Variants in ARSG observed in about 807,000 individuals in gnomAD.
The protein encoded by ARSG is arylsulfatase G, also known as ASG.
A neutral mutation model predicts 50.5 loss-of-function variants in ARSG; 37 were observed. The ratio of observed to expected loss-of-function variants is 0.73; its 90% CI spans 0.56 to 0.96. ARSG has a LOEUF of 0.96. ARSG is among the 50% of genes least tolerant of loss of function. The pLI is 0.00. For synonymous variants in ARSG, 225 were observed against 254.6 expected, an observed-to-expected ratio of 0.88 and a Z score of 1.11; for missense variants, 629 against 675.3, an observed-to-expected ratio of 0.93 and a Z score of 0.76.
the ARSG span, among the ~76,000 whole-genome samples, chr17:68,451,308 C>T: frequency 6.6e-6 from 1 of 152,164 alleles, no homozygotes; most frequent in Non-Finnish European, 1.5e-5. Context: ...GTGGTGCACA[C>T]CTGTAATCTC....
intron 11 of ARSG, among the ~76,000 whole-genome samples, chr17:68,417,032 G>A (rs772689700): frequency 3.9e-5 from 6 of 152,124 alleles, no homozygotes; most frequent in African/African-American, 1.2e-4. Flanking sequence ...ATTTTTTGGG[G>A]AGTGTCAAAG....
intron 8 of ARSG, among the ~76,000 whole-genome samples, chr17:68,376,277 A>ATT (rs386386490): frequency 1.6e-5 from 2 of 125,028 alleles, no homozygotes; most frequent in Non-Finnish European, 3.3e-5. Context: ...CGCCCCCTGC[A>ATT]TTTTTTTTTT....
intron 2 of ARSG, among the ~76,000 whole-genome samples, chr17:68,328,958 C>T (rs758326505): frequency 6.6e-6 from 1 of 152,230 alleles, no homozygotes; most frequent in African/African-American, 2.4e-5. Flanking sequence ...ACTAGGCAGA[C>T]ATACCTCTGC....
the ARSG span, among the ~76,000 whole-genome samples, chr17:68,446,983 C>T: frequency 6.6e-6 from 1 of 152,200 alleles, no homozygotes; most frequent in African/African-American, 2.4e-5. Context: ...GGGGTGGGCA[C>T]GATGCTGCTG....
At chr17:68,409,759 G>A (rs1412269588) in intron 11 of ARSG, among the ~76,000 whole-genome samples, 1 of 151,076 alleles carries the variant, frequency 6.6e-6, no homozygotes, top group Non-Finnish European at 1.5e-5. Context: ...CATGAGCATG[G>A]AATATTCTTC....
intron 7 of ARSG, 49 bp downstream of exon 7, chr17:68,368,793 T>C (rs761092604): frequency 8.8e-6 from 14 of 1,584,632 alleles, no homozygotes; most frequent in Non-Finnish European, 1.1e-5. Flanking sequence ...ATAGACAACC[T>C]TGCACATTAC....
chr17:68,332,353 C>G (rs941937604), intron 2 of ARSG, among the ~76,000 whole-genome samples: 1 of 152,270 alleles, frequency 6.6e-6, no homozygotes, highest in Admixed American at 6.5e-5. Flanking sequence ...TCGCTGTTAC[C>G]CTGTTTTTTT....
At position 68,315,492 on chromosome 17, in the gene ARSG, A is replaced by T. The variant is rs993196880; in HGVS notation, c.218+7781A>T. ...CAGTGAGCTATGATCGTGTCACTGC[A>T]CTCCAGCCTGGGTGATGGAGTGAAA... On this transcript the variant is annotated intron_variant, in intron 2 of 11. Transcript: ENST00000621439. Among the ~76,000 whole-genome samples, 7 of 151,756 alleles carry T rather than the reference A, an allele frequency of 4.6e-5. No individual in the cohort carries two copies. The East Asian group carries it at 1.2e-3, about 25-fold the overall frequency.
At chr17:68,343,842 T>A in intron 3 of ARSG, 51 bp downstream of exon 3, 2 of 1,537,962 alleles carry the variant, frequency 1.3e-6, no homozygotes, top group Non-Finnish European at 1.8e-6. Flanking sequence ...GGCAGCCGCC[T>A]TGTGTTTGCA....
At chr17:68,284,701 A>G (rs1303619410) in intron 1 of ARSG, among the ~76,000 whole-genome samples, 2 of 152,218 alleles carry the variant, frequency 1.3e-5, no homozygotes, top group Non-Finnish European at 2.9e-5. Context: ...AGTATCATTC[A>G]TCCTACTGAT....
intron 6 of ARSG, among the ~76,000 whole-genome samples, chr17:68,361,733 A>G (rs1189930876): frequency 3.3e-5 from 5 of 152,132 alleles, no homozygotes; most frequent in African/African-American, 4.8e-5. Context: ...CCTGGCCAAC[A>G]TGGTGAAACC....
intron 2 of ARSG, among the ~76,000 whole-genome samples, chr17:68,330,387 T>C (rs1376162720): frequency 6.6e-6 from 1 of 151,864 alleles, no homozygotes; most frequent in Admixed American, 6.6e-5. Context: ...GGCCCTTGGG[T>C]TGTTTGACAT....
intron 2 of ARSG, among the ~76,000 whole-genome samples, chr17:68,338,924 G>A (rs2078146443): frequency 6.6e-6 from 1 of 152,220 alleles, no homozygotes; most frequent in African/African-American, 2.4e-5. Flanking sequence ...CCCAGTAGCT[G>A]TTGCTGCTCA....
At chr17:68,445,617 G>A in the ARSG span, among the ~76,000 whole-genome samples, 79 of 152,220 alleles carry the variant, frequency 5.2e-4, no homozygotes, top group African/African-American at 1.6e-3. Context: ...CTCTCCACAT[G>A]AAAGCTTGTC....
intron 1 of ARSG, among the ~76,000 whole-genome samples, chr17:68,283,399 T>C (rs1266665463): frequency 6.6e-6 from 1 of 151,858 alleles, no homozygotes; most frequent in Non-Finnish European, 1.5e-5. Context: ...CGGGCGCCTG[T>C]AGTCCCAGCT....
chr17:68,438,871 A>C, the ARSG span, among the ~76,000 whole-genome samples: 1 of 152,248 alleles, frequency 6.6e-6, no homozygotes, highest in Non-Finnish European at 1.5e-5. Flanking sequence ...AAGTGCTGGG[A>C]TTACAGGCGT....
intron 2 of ARSG, among the ~76,000 whole-genome samples, chr17:68,310,612 G>C (rs1555766382): frequency 6.6e-6 from 1 of 152,182 alleles, no homozygotes; most frequent in Non-Finnish European, 1.5e-5. Flanking sequence ...CTCGGATTCT[G>C]TCTGCACTGG....
intron 6 of ARSG, among the ~76,000 whole-genome samples, chr17:68,362,826 C>T: frequency 6.6e-6 from 1 of 152,040 alleles, no homozygotes; most frequent in Admixed American, 6.6e-5. Flanking sequence ...TTTTAGTTGC[C>T]TTTTTCTCTT....
At chr17:68,275,243 TA>T (rs1378797946) in intron 1 of ARSG, among the ~76,000 whole-genome samples, 20 of 152,328 alleles carry the variant, frequency 1.3e-4, no homozygotes, top group African/African-American at 4.3e-4. Flanking sequence ...TTCCTAGTTA[TA>T]GGTTACTTAA....
Sources: gnomAD v4.1 joint callset for allele counts (sites outside exome capture counted in the v4.1 genomes callset) on GRCh38, gnomAD v4.1.1 for gene constraint, MANE v1.5 for transcripts, NCBI Gene and HGNC (gene_info 2026-07-23, HGNC 2026-07-21) for gene names.